The following CPD variants were observed in gnomAD, a reference collection of about 807,000 sequenced individuals.
CPD encodes the protein carboxypeptidase D.
In CPD, 69 loss-of-function variants were observed where a neutral mutation model predicts 138.3. That is an observed-to-expected ratio of 0.50 (90% CI 0.41 to 0.61). CPD has a LOEUF of 0.61. Among genes scored for constraint, CPD ranks in the 20% least tolerant of loss-of-function variants. The pLI is 0.00. For missense variants in CPD, 1,432 were observed against 1,733.3 expected (o/e 0.83, Z 3.09); for synonymous variants, 651 against 642.1 (o/e 1.01, Z -0.21).
intron 8 of CPD, among the ~76,000 whole-genome samples, chr17:30,435,091 A>G (rs116912859): frequency 0.027 from 4,133 of 152,210 alleles, 98 homozygotes; most frequent in Admixed American, 0.078. Flanking sequence ...ACCTCAACTC[A>G]GATAGTCAAA....
At chr17:30,406,592 G>A (rs924598527) in intron 2 of CPD, among the ~76,000 whole-genome samples, 1 of 152,068 alleles carries the variant, frequency 6.6e-6, no homozygotes. Flanking sequence ...GTCTTAGCTA[G>A]TATTTCTTAA....
At chr17:30,410,882 G>A (rs923525583) in intron 2 of CPD, among the ~76,000 whole-genome samples, 14 of 151,816 alleles carry the variant, frequency 9.2e-5, no homozygotes, top group Non-Finnish European at 1.8e-4. Flanking sequence ...TGTTATGTGT[G>A]AATTTGATCC....
intron 8 of CPD, among the ~76,000 whole-genome samples, chr17:30,432,092 T>G (rs928904932): frequency 1.6e-4 from 24 of 152,212 alleles, no homozygotes; most frequent in African/African-American, 5.5e-4. Flanking sequence ...TATCTATGGT[T>G]TTAGCACAGT....
chr17:30,434,061 C>T (rs942351757), intron 8 of CPD, among the ~76,000 whole-genome samples: 1 of 152,088 alleles, frequency 6.6e-6, no homozygotes, highest in Non-Finnish European at 1.5e-5. Context: ...TTAGTAAGCC[C>T]CCATGAAGCT....
intron 2 of CPD, among the ~76,000 whole-genome samples, chr17:30,409,325 T>C (rs1419038352): frequency 6.6e-6 from 1 of 151,882 alleles, no homozygotes; most frequent in Non-Finnish European, 1.5e-5. Flanking sequence ...TCTCTTTTTT[T>C]GTTGTGTCTC....
intron 7 of CPD, among the ~76,000 whole-genome samples, chr17:30,427,948 C>G (rs1912465736): frequency 6.6e-6 from 1 of 151,700 alleles, no homozygotes; most frequent in Non-Finnish European, 1.5e-5. Flanking sequence ...TCCTCCTCCT[C>G]TCCTCTTCCT....
intron 2 of CPD, among the ~76,000 whole-genome samples, chr17:30,396,696 A>G (rs1297517864): frequency 6.6e-6 from 1 of 152,176 alleles, no homozygotes; most frequent in Non-Finnish European, 1.5e-5. Flanking sequence ...AACAATTAGC[A>G]TTGGTATTGA....
chr17:30,459,502 T>G, intron 17 of CPD, among the ~76,000 whole-genome samples: 1 of 152,140 alleles, frequency 6.6e-6, no homozygotes, highest in East Asian at 1.9e-4. Context: ...GATAGTTTGC[T>G]GAGAATGATG....
At position 30,439,069 on chromosome 17, in the gene CPD, A is replaced by C; in HGVS notation, c.2222A>C (p.Asn741Thr). 6.3e-7 allele frequency: 1 copy of C among 1,578,766 alleles called. No individual in the cohort carries two copies. The highest frequency in any genetic ancestry group is 1.7e-4 in the Middle Eastern group (1 of 5,958). ...HGITNGASWY[N>T]VPGGMQDWNY... ...ATAACAAATGGAGCTAGTTGGTATA[A>C]TGTGCCAGGTAAAGATTCTTTTATA... The change falls in exon 9 of 21, where the codon AAT becomes ACT. Residue 741 changes from asparagine (N) to threonine (T), a missense_variant. This residue lies in a region of CPD where 297 missense variants were observed against 405.3 expected (regional missense o/e 0.73). Transcript: ENST00000225719.
intron 5 of CPD, 48 bp downstream of exon 5, chr17:30,423,071 C>T: frequency 7.3e-7 from 1 of 1,373,074 alleles, no homozygotes; most frequent in Non-Finnish European, 1.0e-6. Context: ...CCCTCAAAGC[C>T]ATGTTCAATA....
Position 30,435,521 on chromosome 17 carries a change from C to T in CPD, c.2128-3454C>T, listed in dbSNP as rs568509890. ...ACCCCAAAATTAGCTTAAAATAGGTCATAAACCTAAATATAGGAACTAAAA... is the reference window on the plus strand; with the variant it reads ...ACCCCAAAATTAGCTTAAAATAGGTTATAAACCTAAATATAGGAACTAAAA... On this transcript the variant is annotated intron_variant, in intron 8 of 20. Transcript: ENST00000225719. 2.0e-5 allele frequency among the ~76,000 whole-genome samples: 3 copies of T among 151,996 alleles called. No homozygotes were observed. The South Asian group carries it at 6.2e-4, about 32-fold the overall frequency.
At chr17:30,389,609 T>C (rs1445171753) in intron 2 of CPD, among the ~76,000 whole-genome samples, 1 of 152,200 alleles carries the variant, frequency 6.6e-6, no homozygotes, top group African/African-American at 2.4e-5. Context: ...GACAATTAAT[T>C]GAGGAAGGTA....
intron 2 of CPD, among the ~76,000 whole-genome samples, chr17:30,400,652 CTTTT>C (rs34301387): frequency 1.7e-5 from 1 of 57,588 alleles, no homozygotes; most frequent in African/African-American, 7.8e-5. Context: ...TGCCATCATT[CTTTT>C]TTTTTTTTTT....
At chr17:30,392,936 T>G (rs1419620413) in intron 2 of CPD, among the ~76,000 whole-genome samples, 1 of 152,238 alleles carries the variant, frequency 6.6e-6, no homozygotes, top group Non-Finnish European at 1.5e-5. Flanking sequence ...AGTCTATGGA[T>G]TCTATTATTA....
At chr17:30,390,684 G>T (rs1911331263) in intron 2 of CPD, among the ~76,000 whole-genome samples, 1 of 152,108 alleles carries the variant, frequency 6.6e-6, no homozygotes, top group Non-Finnish European at 1.5e-5. Context: ...TGCCTATGTG[G>T]GTGAGCCTTG....
In CPD at chr17:30,462,399, T is replaced by C; in HGVS notation, c.3846T>C (p.Ser1282=). ...QVFVHHDAAS[S]VVIVFDTDNR... ...TTGTGCATCATGATGCAGCTAGTTC[T>C]GTGGTGATAGTCTTTGACACAGATA... The change falls in exon 20 of 21, where the codon TCT becomes TCC. Residue 1282 remains serine, a synonymous_variant. Transcript: ENST00000225719. The C allele has an allele frequency of 6.2e-7, 1 of 1,614,024 alleles. No homozygotes were observed. Among genetic ancestry groups the C allele is most frequent in the Non-Finnish European group, 8.5e-7 (1 of 1,179,912 alleles).
intron 2 of CPD, among the ~76,000 whole-genome samples, chr17:30,387,811 G>T (rs181895739): frequency 6.6e-6 from 1 of 152,320 alleles, no homozygotes; most frequent in African/African-American, 2.4e-5. Flanking sequence ...GATCTTTGGG[G>T]TATTGCTTTT....
chr17:30,428,283 A>G (rs1486628826), intron 7 of CPD, among the ~76,000 whole-genome samples: 8 of 152,216 alleles, frequency 5.3e-5, no homozygotes, highest in African/African-American at 1.7e-4. Context: ...GAGTGAAGAT[A>G]TCAGTACCCA....
intron 14 of CPD, 80 bp downstream of exon 14, chr17:30,451,926 C>T (rs910077736): frequency 2.2e-6 from 3 of 1,355,726 alleles, no homozygotes; most frequent in African/African-American, 2.9e-5. Context: ...CCTATTTTGT[C>T]AGTGAATAAT....
Sources: allele counts gnomAD v4.1 joint callset (sites outside exome capture counted in the v4.1 genomes callset), GRCh38; gene constraint gnomAD v4.1.1; regional missense constraint gnomAD v4.1.1; transcripts MANE v1.5; gene names NCBI Gene and HGNC (gene_info 2026-07-23, HGNC 2026-07-21).